Variants in NBPF11 observed in about 807,000 individuals in gnomAD.
The protein encoded by NBPF11 is NBPF family member NBPF11.
NBPF11 carries 72 observed loss-of-function variants against 93.9 expected under a neutral mutation model. The observed-to-expected ratio is 0.77, with a 90% CI of 0.63 to 0.93. The LOEUF is 0.93. Ranked by LOEUF, NBPF11 falls within the 40% of genes least tolerant of loss-of-function variation. NBPF11 has a pLI of 0.00. For synonymous variants in NBPF11, 224 were observed against 304.9 expected, an observed-to-expected ratio of 0.73 and a Z score of 2.76; for missense variants, 705 against 802.2, an observed-to-expected ratio of 0.88 and a Z score of 1.46.
chr1:148,137,356 G>A (rs1671475570), intron 3 of NBPF11, among the ~76,000 whole-genome samples: 1 of 151,590 alleles, frequency 6.6e-6, no homozygotes, highest in South Asian at 2.1e-4. Flanking sequence ...CTGACAGCCA[G>A]CACAGAAAAA....
intron 4 of NBPF11, 28 bp from the exon 5 acceptor site, chr1:148,127,066 T>C: frequency 1.9e-6 from 1 of 534,588 alleles, no homozygotes; most frequent in Non-Finnish European, 3.2e-6. Context: ...AAACATATGA[T>C]GGGTTAAAAA....
intron 4 of NBPF11, among the ~76,000 whole-genome samples, chr1:148,127,455 CT>C (rs1261843673): frequency 4.0e-5 from 2 of 50,330 alleles, no homozygotes; most frequent in Non-Finnish European, 7.4e-5. Context: ...TTCGTGTACC[CT>C]TGTGACAATG....
At chr1:148,124,514 CATTG>C (rs1668626161) in intron 6 of NBPF11, among the ~76,000 whole-genome samples, 1 of 150,760 alleles carries the variant, frequency 6.6e-6, no homozygotes, top group African/African-American at 2.5e-5. Flanking sequence ...GAGAAGGCAA[CATTG>C]ATTGAGTGAA....
chr1:148,110,134 C>T (rs1317147308), intron 16 of NBPF11, among the ~76,000 whole-genome samples: 3 of 152,010 alleles, frequency 2.0e-5, no homozygotes, highest in East Asian at 1.9e-4. Context: ...AGTTCAATGT[C>T]GTGACAGTCA....
chr1:148,139,184 T>C (rs1425910901), intron 2 of NBPF11, among the ~76,000 whole-genome samples: 2 of 151,454 alleles, frequency 1.3e-5, no homozygotes, highest in Non-Finnish European at 2.9e-5. Context: ...TAATAGGAGA[T>C]TTTAAAAAAT....
intron 4 of NBPF11, among the ~76,000 whole-genome samples, chr1:148,132,723 C>CCT (rs1670621188): frequency 7.2e-4 from 24 of 33,224 alleles, no homozygotes; most frequent in East Asian, 8.1e-4. Context: ...GTTGACTTTC[C>CCT]TTTTTTTTTT....
intron 8 of NBPF11, among the ~76,000 whole-genome samples, chr1:148,122,481 T>G (rs1668096312): frequency 6.6e-6 from 1 of 152,106 alleles, no homozygotes; most frequent in Non-Finnish European, 1.5e-5. Context: ...TGGTGTTCAG[T>G]GCACTGGACA....
chr1:148,126,822 A>G lies in NBPF11; in HGVS notation c.175+7T>C. The G allele has an allele frequency of 1.9e-6, 3 of 1,587,806 alleles. No individual in the cohort carries two copies. Among genetic ancestry groups the G allele is most frequent in the Middle Eastern group, 2.3e-4 (1 of 4,426 alleles). On this transcript the variant is annotated splice_region_variant and intron_variant, in intron 5 of 23. Coordinates refer to ENST00000682118, the MANE Select transcript of NBPF11 (RefSeq NM_001385469.3). ...CACTTTCATGATGGTGAGCCTATAG[A>G]TCTTACTGTATTTCTTCTGTCGGTT...
intron 10 of NBPF11, among the ~76,000 whole-genome samples, chr1:148,119,456 G>T (rs1430581054): frequency 2.0e-5 from 3 of 152,036 alleles, no homozygotes; most frequent in East Asian, 3.9e-4. Flanking sequence ...AACAGGTGAG[G>T]AAACTGAGGG....
intron 4 of NBPF11, among the ~76,000 whole-genome samples, chr1:148,134,167 C>T (rs1670892875): frequency 6.6e-6 from 1 of 151,506 alleles, no homozygotes; most frequent in African/African-American, 2.4e-5. Context: ...TTCTTAATGC[C>T]TTGGTGAGGA....
Position 148,119,806 on chromosome 1 carries a change from C to T in NBPF11, c.988+695G>A, listed in dbSNP as rs1161067762. 5.9e-5 allele frequency among the ~76,000 whole-genome samples: 9 copies of T among 151,898 alleles called. 1 individual carries two copies. Among genetic ancestry groups the T allele is most frequent in the Admixed American group, 2.6e-4 (4 of 15,266 alleles). Reference sequence around the variant, plus strand: ...GAGCAGGGGTGATTACAGTCACCTGCCACCACGCCCATCTACTTTTTGTAT... The same window carrying T: ...GAGCAGGGGTGATTACAGTCACCTGTCACCACGCCCATCTACTTTTTGTAT... On this transcript the variant is annotated intron_variant, in intron 10 of 23. Transcript: ENST00000682118.
In NBPF11 at chr1:148,102,224, T is replaced by A. The variant is rs1174256975; in HGVS notation, c.*1672A>T. On this transcript the variant is annotated 3_prime_UTR_variant, in exon 24 of 24. Transcript: ENST00000682118. ...AAAATTAAAACTCAGGCAAAGAATGTTTTCTTCTTTTTGCAACAGCAGACA... is the reference window on the plus strand; with the variant it reads ...AAAATTAAAACTCAGGCAAAGAATGATTTCTTCTTTTTGCAACAGCAGACA... The A allele has an allele frequency of 1.3e-5, 2 of 151,596 alleles. No homozygotes were observed. Among genetic ancestry groups the A allele is most frequent in the East Asian group, 3.9e-4 (2 of 5,192 alleles). The allele number at this position is 151,596 out of a possible 1,614,324, so 9.4% of individuals were successfully genotyped here.
chr1:148,132,588 G>C (rs1670590269), intron 4 of NBPF11, among the ~76,000 whole-genome samples: 1 of 149,210 alleles, frequency 6.7e-6, no homozygotes, highest in Admixed American at 6.7e-5. Flanking sequence ...ACGAAGAACT[G>C]ACTCTTTAAA....
chr1:148,149,456 G>C, intron 1 of NBPF11: 2 of 1,588,774 alleles, frequency 1.3e-6, no homozygotes, highest in South Asian at 2.2e-5. Flanking sequence ...CAAGGCGGTG[G>C]AGCCGCTGTG....
At chr1:148,133,396 G>A (rs1197440135) in intron 4 of NBPF11, among the ~76,000 whole-genome samples, 1 of 151,972 alleles carries the variant, frequency 6.6e-6, no homozygotes. Context: ...TTTTTTCTCT[G>A]ATTTAATAGA....
rs1295355034 is a variant in NBPF11, at chr1:148,136,327, ATCAATACAAGAATGGATACATTCT to A, written c.-177-538_-177-515del. Reference sequence around the variant, plus strand: ...AAAAACTGGAAACATTCAAATATCTATCAATACAAGAATGGATACATTCTTGTATTCAAATATCTATCAATATAC... The same window carrying A: ...AAAAACTGGAAACATTCAAATATCTATGTATTCAAATATCTATCAATATAC... On this transcript the variant is annotated intron_variant, in intron 3 of 23. Coordinates refer to ENST00000682118, the MANE Select transcript of NBPF11 (RefSeq NM_001385469.3). 8.4e-4 allele frequency among the ~76,000 whole-genome samples: 128 copies of A among 151,992 alleles called. 1 individual carries two copies. The highest frequency in any genetic ancestry group is 1.5e-3 in the Non-Finnish European group (101 of 68,016).
At chr1:148,146,744 CGCACG>C (rs1294035089) in intron 1 of NBPF11, 1 of 1,612,584 alleles carries the variant, frequency 6.2e-7, no homozygotes, top group African/African-American at 1.3e-5. Context: ...GTCCTCTTCT[CGCACG>C]GCAATGCCGT....
intron 2 of NBPF11, among the ~76,000 whole-genome samples, chr1:148,142,559 C>A (rs1322953974): frequency 3.3e-5 from 5 of 152,014 alleles, no homozygotes; most frequent in Non-Finnish European, 7.3e-5. Context: ...TCTCACTGGA[C>A]TTCCCTCCTT....
intron 1 of NBPF11, chr1:148,146,778 C>A (rs1673185370): frequency 6.2e-7 from 1 of 1,613,204 alleles, no homozygotes; most frequent in Non-Finnish European, 8.5e-7. Context: ...GCCAGATGAG[C>A]AGCTTCTACA....
Sources: allele counts gnomAD v4.1 joint callset (sites outside exome capture counted in the v4.1 genomes callset), GRCh38; gene constraint gnomAD v4.1.1; transcripts MANE v1.5; gene names NCBI Gene and HGNC (gene_info 2026-07-23, HGNC 2026-07-21).